The following ALDH16A1 variants were observed in gnomAD, a reference collection of about 807,000 sequenced individuals.
ALDH16A1 encodes aldehyde dehydrogenase family 16 member A1.
A neutral mutation model predicts 96.1 loss-of-function variants in ALDH16A1; 88 were observed. The observed-to-expected ratio is 0.92, with a 90% CI of 0.77 to 1.09. The LOEUF (loss-of-function observed/expected upper bound fraction) is 1.09, where lower values mean the gene tolerates loss of function less well. Among genes scored for constraint, ALDH16A1 ranks in the 50% least tolerant of loss-of-function variants. The pLI, the probability that ALDH16A1 is intolerant of heterozygous loss-of-function variation, is 0.00. For synonymous variants in ALDH16A1, 522 were observed against 496.4 expected (o/e 1.05, Z -0.69); for missense variants, 1,250 against 1,112.6 (o/e 1.12, Z -1.76).
At position 49,464,738 on chromosome 19, in the gene ALDH16A1, C is replaced by T. The variant is rs372218834; in HGVS notation, c.1544C>T (p.Pro515Leu). 40 of 1,613,980 alleles carry T rather than the reference C, an allele frequency of 2.5e-5. No homozygotes were observed. The highest frequency in any genetic ancestry group is 2.5e-4 in the East Asian group (11 of 44,890). Residue 515 changes from proline (P) to leucine (L), a missense_variant, in exon 12 of 17, where the codon CCG (proline) becomes CTG (leucine). Pro to Leu is a moderately conservative substitution (Grantham distance 98). Coordinates refer to ENST00000293350, the MANE Select transcript of ALDH16A1 (RefSeq NM_153329.4). ...GGCCTCGCTGTTCCCTCAACCCTGC[C>T]GGCTGGGCCTGAAATAGGGCCCAGG... ...TFGLAVPSTL[P>L]AGPEIGPSPA...
chr19:49,454,024 T>TTTGTTTG (rs1555798652), intron 1 of ALDH16A1, among the ~76,000 whole-genome samples: 1 of 114,048 alleles, frequency 8.8e-6, no homozygotes, highest in Non-Finnish European at 1.9e-5. Context: ...GGTTGGGTTT[T>TTTGTTTG]TTTTTTGTTT....
chr19:49,470,177 G>T, intron 16 of ALDH16A1, 129 bp from the exon 17 acceptor site: 1 of 1,117,412 alleles, frequency 8.9e-7, no homozygotes, highest in Non-Finnish European at 1.3e-6. Flanking sequence ...GGGAGGAGCT[G>T]GGCATTGTAG....
In ALDH16A1 at chr19:49,468,820, T is replaced by C; in HGVS notation, c.2125-44T>C. 6.3e-7 allele frequency: 1 copy of C among 1,587,402 alleles called. No individual in the cohort carries two copies. Among genetic ancestry groups the C allele is most frequent in the African/African-American group, 1.4e-5 (1 of 73,948 alleles). On this transcript the variant is annotated intron_variant, in intron 15 of 16. Transcript: ENST00000293350. This position sits in a 1 kb window ranked among gnomAD's most constrained non-coding sequence, Gnocchi z 4.4. ...CCCCCTGAATGCCCACTCCTTGCCC[T>C]GCCCCCACGGCCTCCCCAACCTTTC...
chr19:49,470,865 G>A lies in ALDH16A1; in HGVS notation c.*398G>A, dbSNP rs2079240548. Reference sequence around the variant, plus strand: ...GCAGCTCAGGAGCCGGCTCCAGCACGGTGCTGTGTTTGTGAAACAGAGAAA... The same window carrying A: ...GCAGCTCAGGAGCCGGCTCCAGCACAGTGCTGTGTTTGTGAAACAGAGAAA... On this transcript the variant is annotated 3_prime_UTR_variant, in exon 17 of 17. Transcript: ENST00000293350. 2 of 160,392 alleles carry A rather than the reference G, an allele frequency of 1.2e-5. No individual in the cohort carries two copies. The highest frequency in any genetic ancestry group is 6.3e-5 in the Admixed American group (1 of 15,756). The allele number at this position is 160,392 out of a possible 1,614,324, so 9.9% of individuals were successfully genotyped here. A position where few individuals can be genotyped will look rare whatever the true frequency, so the allele number is the denominator to read the frequency against.
At chr19:49,469,883 T>C (rs1178428666) in intron 16 of ALDH16A1, 2 of 157,612 alleles carry the variant, frequency 1.3e-5, no homozygotes, top group East Asian at 3.8e-4. Context: ...GCCCAACCAA[T>C]TTTTACTTTT....
Position 49,459,100 on chromosome 19 carries a change from G to A in ALDH16A1, c.320+14G>A. 6.2e-7 allele frequency: 1 copy of A among 1,606,894 alleles called. No individual in the cohort carries two copies. Among genetic ancestry groups the A allele is most frequent in the Non-Finnish European group, 8.5e-7 (1 of 1,175,544 alleles). ...GCACCTGACCAGGTGATGCAGCTGA[G>A]GTGTGGACCCCGGGAGGCGGGGAAC... On this transcript the variant is annotated intron_variant, in intron 3 of 16. Coordinates refer to ENST00000293350, the MANE Select transcript of ALDH16A1 (RefSeq NM_153329.4). This position sits in a 1 kb window ranked among gnomAD's most constrained non-coding sequence, Gnocchi z 4.1.
rs777285941 is a variant in ALDH16A1 at position 49,460,885 on chromosome 19, C to T, written c.563C>T (p.Pro188Leu). ...CTTGAGATGATGTGGAGGATTTGCCCTGCCCTGGCTGTGGGTAAATGATGG... is the reference window on the plus strand; with the variant it reads ...CTTGAGATGATGTGGAGGATTTGCCTTGCCCTGGCTGTGGGTAAATGATGG... ...SFLEMMWRIC[P>L]ALAVGCTVVA... Residue 188 changes from proline (P) to leucine (L), a missense_variant, in exon 5 of 17, where the codon CCT (proline) becomes CTT (leucine). Pro to Leu is a moderately conservative substitution (Grantham distance 98, BLOSUM62 -3). Coordinates refer to ENST00000293350, the MANE Select transcript of ALDH16A1 (RefSeq NM_153329.4). 3.7e-6 allele frequency: 6 copies of T among 1,613,426 alleles called. No individual in the cohort carries two copies. The highest frequency in any genetic ancestry group is 2.7e-5 in the African/African-American group (2 of 74,906).
rs767851623 is a variant in ALDH16A1 at position 49,462,702 on chromosome 19, G to C, written c.1045G>C (p.Ala349Pro). ...GGACATGGGGGCCCGGGGGGCTGCCGCATGTGACCTGGTCCAGCGCTTTGT... is the reference window on the plus strand; with the variant it reads ...GGACATGGGGGCCCGGGGGGCTGCCCCATGTGACCTGGTCCAGCGCTTTGT... ...AVDMGARGAAACDLVQRFVRE... is the reference protein window; with the variant it reads ...AVDMGARGAAPCDLVQRFVRE... Residue 349 changes from alanine to proline, a missense_variant, in exon 8 of 17, where the codon GCA (alanine) becomes CCA (proline). Physicochemically the swap from Ala to Pro is conservative, Grantham distance 27. Transcript: ENST00000293350. The C allele has an allele frequency of 3.7e-6, 6 of 1,606,594 alleles. No homozygotes were observed. Among genetic ancestry groups the C allele is most frequent in the Non-Finnish European group, 5.1e-6 (6 of 1,177,458 alleles).
At chr19:49,458,934 C>G (rs2079121082) in intron 2 of ALDH16A1, 26 bp from the exon 3 acceptor site, 1 of 1,604,110 alleles carries the variant, frequency 6.2e-7, no homozygotes, top group African/African-American at 1.3e-5. Context: ...CTCCTCCCAT[C>G]TGAGTCCCCC....
chr19:49,469,057 C>G (rs879742300), intron 16 of ALDH16A1, 71 bp downstream of exon 16: 223 of 1,538,178 alleles, frequency 1.4e-4, no homozygotes, highest in Non-Finnish European at 1.9e-4. Flanking sequence ...TCTGGAAACA[C>G]AGCCCCGCCC....
At chr19:49,469,119 A>T in intron 16 of ALDH16A1, 133 bp downstream of exon 16, 4 of 1,354,126 alleles carry the variant, frequency 3.0e-6, no homozygotes, top group Non-Finnish European at 4.0e-6. Flanking sequence ...GAAGGTTTTG[A>T]GGCCCCGCCC....
At position 49,461,177 on chromosome 19, in the gene ALDH16A1, GCTGGGGT is replaced by G. The variant is rs2079139707; in HGVS notation, c.577+283_577+289del. ...GACTCCTGGGTCTGAGGGAGGAGGG[GCTGGGGT>G]CTGGATTCCTGGGTCTGAGGGAGGA... On this transcript the variant is annotated intron_variant, in intron 5 of 16. Transcript: ENST00000293350. Among the ~76,000 whole-genome samples, 27 of 131,788 alleles carry G rather than the reference GCTGGGGT, an allele frequency of 2.0e-4. 1 individual carries two copies. Among genetic ancestry groups the G allele is most frequent in the South Asian group, 7.3e-4 (3 of 4,094 alleles). 86.5% of individuals were successfully genotyped at this position (131,788 alleles called of 152,430 possible).
chr19:49,461,146 A>G (rs12460452), intron 5 of ALDH16A1, among the ~76,000 whole-genome samples: 4,534 of 90,282 alleles, frequency 0.05, 113 homozygotes, highest in African/African-American at 0.18. Context: ...GAGGGGCTGG[A>G]GTCTGGACTC....
At position 49,461,684 on chromosome 19, in the gene ALDH16A1, G is replaced by A; in HGVS notation, c.643G>A (p.Gly215Arg). 3.1e-6 allele frequency: 5 copies of A among 1,607,934 alleles called. No individual in the cohort carries two copies. Among genetic ancestry groups the A allele is most frequent in the Middle Eastern group, 1.7e-4 (1 of 6,038 alleles). Residue 215 changes from glycine to arginine, a missense_variant, in exon 6 of 17, where the codon GGG (glycine) becomes AGG (arginine). By Grantham distance (125) the Gly-to-Arg change is moderately radical. Coordinates refer to ENST00000293350, the MANE Select transcript of ALDH16A1 (RefSeq NM_153329.4). ...PAPLLLAQLA[G>R]ELGPFPGILN... ...GCCCCTCCTCCTGGCCCAGCTGGCGGGGGAGCTGGGCCCCTTCCCGGGAAT... is the reference window on the plus strand; with the variant it reads ...GCCCCTCCTCCTGGCCCAGCTGGCGAGGGAGCTGGGCCCCTTCCCGGGAAT...
Position 49,468,730 on chromosome 19 carries a change from A to G in ALDH16A1, c.2125-134A>G, listed in dbSNP as rs925638874. 3.8e-5 allele frequency: 52 copies of G among 1,364,868 alleles called. No individual in the cohort carries two copies. In the African/African-American group the frequency reaches 7.2e-4, roughly 19 times the overall value. The allele number at this position is 1,364,868 out of a possible 1,614,324, so 84.5% of individuals were successfully genotyped here. Reference sequence around the variant, plus strand: ...TTCACTCCTTGGGGACCCAGTGCCCATTCTTCACCCTAGGCCTGGGGCTTT... The same window carrying G: ...TTCACTCCTTGGGGACCCAGTGCCCGTTCTTCACCCTAGGCCTGGGGCTTT... On this transcript the variant is annotated intron_variant, in intron 15 of 16. Transcript: ENST00000293350. The surrounding 1 kb of genome is among the most constrained non-coding windows in gnomAD (Gnocchi z 4.4).
chr19:49,466,045 A>G (rs774763619), intron 13 of ALDH16A1, 37 bp from the exon 14 acceptor site: 1 of 1,539,212 alleles, frequency 6.5e-7, no homozygotes, highest in Non-Finnish European at 8.7e-7. Flanking sequence ...AGCCAAGACC[A>G]GGATGCCAAC....
intron 1 of ALDH16A1, among the ~76,000 whole-genome samples, chr19:49,454,324 C>T: frequency 6.6e-6 from 1 of 152,128 alleles, no homozygotes; most frequent in East Asian, 1.9e-4. Context: ...CACCCAGCCA[C>T]ATCAGGACTT....
At chr19:49,466,055 C>G in intron 13 of ALDH16A1, 27 bp from the exon 14 acceptor site, 1 of 1,539,366 alleles carries the variant, frequency 6.5e-7, no homozygotes, top group Non-Finnish European at 8.7e-7. Flanking sequence ...AGGATGCCAA[C>G]CCCCACTGTG....
At position 49,459,813 on chromosome 19, in the gene ALDH16A1, C is replaced by A; in HGVS notation, c.464C>A (p.Thr155Asn). ...CACTACCATGCAATCCAGGCATCCA[C>A]CCAGGAGGAGGCACTGGCAGGCTGG... Reference protein sequence around the residue: ...LLHYHAIQASTQEEALAGWEP... With the variant: ...LLHYHAIQASNQEEALAGWEP... Residue 155 changes from threonine to asparagine, a missense_variant, in exon 4 of 17, where the codon ACC becomes AAC. Thr to Asn is a moderately conservative substitution (Grantham distance 65, BLOSUM62 0). Coordinates refer to ENST00000293350, the MANE Select transcript of ALDH16A1 (RefSeq NM_153329.4). This position sits in a 1 kb window ranked among gnomAD's most constrained non-coding sequence, Gnocchi z 4.1. 1 of 1,613,438 alleles carries A rather than the reference C, an allele frequency of 6.2e-7. No individual in the cohort carries two copies. The highest frequency in any genetic ancestry group is 8.5e-7 in the Non-Finnish European group (1 of 1,179,872).
Sources: gnomAD v4.1 joint callset for allele counts (sites outside exome capture counted in the v4.1 genomes callset) on GRCh38, gnomAD v4.1.1 for gene constraint, Gnocchi (gnomAD v3.1) non-coding constraint, MANE v1.5 for transcripts, NCBI Gene and HGNC (gene_info 2026-07-23, HGNC 2026-07-21) for gene names.